Variants in PCDHA4 observed in about 807,000 individuals in gnomAD.
PCDHA4 encodes protocadherin alpha-4.
Under a neutral mutation model 61.4 loss-of-function variants are expected in PCDHA4, and 49 were observed. That is an observed-to-expected ratio of 0.80 (90% confidence interval 0.63 to 1.01). PCDHA4 has a LOEUF of 1.01. PCDHA4 is among the 50% of genes least tolerant of loss of function. The pLI, the probability that PCDHA4 is intolerant of heterozygous loss-of-function variation, is 0.00. For missense variants in PCDHA4, 1,254 were observed against 1,235.8 expected (o/e 1.01, Z -0.22); for synonymous variants, 590 against 550.3 (o/e 1.07, Z -1.01).
At chr5:140,987,050 C>G (rs781947211) in intron 3 of PCDHA4, among the ~76,000 whole-genome samples, 34 of 151,840 alleles carry the variant, frequency 2.2e-4, no homozygotes, top group Non-Finnish European at 2.5e-4. Context: ...CCCATCTCTA[C>G]TAAAGTTACA....
intron 1 of PCDHA4, chr5:140,854,223 C>A: frequency 1.1e-5 from 7 of 631,586 alleles, no homozygotes; most frequent in Non-Finnish European, 1.2e-5. Flanking sequence ...TGGACATCTA[C>A]ATTGGGATAT....
intron 1 of PCDHA4, chr5:140,856,650 G>A (rs2044132398): frequency 1.3e-6 from 2 of 1,598,026 alleles, no homozygotes; most frequent in African/African-American, 2.7e-5. Flanking sequence ...CTGCTGGATC[G>A]TGAAGAAAAT....
intron 1 of PCDHA4, among the ~76,000 whole-genome samples, chr5:140,907,922 G>T (rs1554193181): frequency 6.6e-6 from 1 of 152,174 alleles, no homozygotes; most frequent in Admixed American, 6.5e-5. Context: ...ACTCAGAGAG[G>T]TCCATTCACA....
chr5:140,855,986 G>C (rs191873949), intron 1 of PCDHA4: 4 of 1,477,690 alleles, frequency 2.7e-6, no homozygotes, highest in Middle Eastern at 1.8e-4. Context: ...GACAGAAAAT[G>C]TCAGATCGTA....
Position 140,855,940 on chromosome 5 carries a change from T to G in PCDHA4, c.2385+46368T>G, listed in dbSNP as rs781849353. 20 of 1,323,248 alleles carry G rather than the reference T, an allele frequency of 1.5e-5. 4 individuals carry two copies. The highest frequency in any genetic ancestry group is 2.9e-5 in the South Asian group (2 of 68,766). The allele number at this position is 1,323,248 out of a possible 1,614,324, so 82.0% of individuals were successfully genotyped here. A position where few individuals can be genotyped will look rare whatever the true frequency, so the allele number is the denominator to read the frequency against. Reference sequence around the variant, plus strand: ...TAGGAAGTAGCGTCATTCTGAGATCTCAGCCATTTCGATAAAAAATAGATA... The same window carrying G: ...TAGGAAGTAGCGTCATTCTGAGATCGCAGCCATTTCGATAAAAAATAGATA... On this transcript the variant is annotated intron_variant, in intron 1 of 3. Transcript: ENST00000530339.
intron 1 of PCDHA4, chr5:140,860,177 G>A (rs1218765460): frequency 6.7e-6 from 1 of 148,372 alleles, no homozygotes; most frequent in Admixed American, 6.7e-5. Flanking sequence ...ATATATATAT[G>A]ATGGGCTCTC....
In PCDHA4 at chr5:140,807,862, C is replaced by G. The variant is rs1764047483; in HGVS notation, c.675C>G (p.Thr225=). 6.2e-7 allele frequency: 1 copy of G among 1,613,994 alleles called. No individual in the cohort carries two copies. The highest frequency in any genetic ancestry group is 1.7e-5 in the Admixed American group (1 of 60,000). The change falls in exon 1 of 4, where the codon ACC becomes ACG. Residue 225 remains threonine (T), a synonymous_variant. Coordinates refer to ENST00000530339, the MANE Select transcript of PCDHA4 (RefSeq NM_018907.4). The part of the protein sequence containing the change: ...TDGGKPELTG[T]VQLLITVLDA... ...GAGGCAAACCCGAGTTGACTGGCAC[C>G]GTTCAGTTACTCATCACAGTACTGG... is the stretch of plus-strand genomic sequence containing the variant.
Position 140,873,289 on chromosome 5 carries a change from C to T in PCDHA4, c.2385+63717C>T, listed in dbSNP as rs542998877. On this transcript the variant is annotated intron_variant, in intron 1 of 3. Transcript: ENST00000530339. ...TTAAACCATCATACCACTTATGAAA[C>T]TTTATAAATATAATAAAGGTGAATA... Among the ~76,000 whole-genome samples, 19 of 152,188 alleles carry T rather than the reference C, an allele frequency of 1.2e-4. No homozygotes were observed. In the South Asian group the frequency reaches 3.7e-3, roughly 30 times the overall value.
intron 1 of PCDHA4, chr5:140,855,985 T>C (rs1308397078): frequency 1.4e-6 from 2 of 1,473,214 alleles, no homozygotes; most frequent in East Asian, 2.3e-5. Flanking sequence ...GGACAGAAAA[T>C]GTCAGATCGT....
intron 3 of PCDHA4, among the ~76,000 whole-genome samples, chr5:140,986,365 C>T (rs530102099): frequency 2.0e-5 from 3 of 152,194 alleles, no homozygotes; most frequent in Non-Finnish European, 2.9e-5. Flanking sequence ...TGGAGGAATG[C>T]GTTTTGGGGG....
chr5:140,808,384 C>T lies in PCDHA4; in HGVS notation c.1197C>T (p.Ser399=). 6.2e-7 allele frequency: 1 copy of T among 1,614,182 alleles called. No individual in the cohort carries two copies. The highest frequency in any genetic ancestry group is 8.5e-7 in the Non-Finnish European group (1 of 1,180,056). Reference sequence around the variant, plus strand: ...CCCACGTCCCCTTCAAGCTGGTGTCCACCTTCAAGAATTACTACTCGTTGG... The same window carrying T: ...CCCACGTCCCCTTCAAGCTGGTGTCTACCTTCAAGAATTACTACTCGTTGG... The part of the protein sequence containing the change: ...LTSHVPFKLV[S]TFKNYYSLVL... Residue 399 remains serine (S), a synonymous_variant, in exon 1 of 4, where the codon TCC becomes TCT. Transcript: ENST00000530339.
intron 1 of PCDHA4, chr5:140,823,032 C>T: frequency 1.2e-6 from 2 of 1,614,230 alleles, no homozygotes; most frequent in Non-Finnish European, 1.7e-6. Flanking sequence ...GCGTGTCGGT[C>T]TATGAGCTGG....
intron 1 of PCDHA4, chr5:140,863,096 G>A (rs1554157719): frequency 5.2e-6 from 3 of 578,170 alleles, no homozygotes; most frequent in South Asian, 1.4e-5. Flanking sequence ...AGCACGACGA[G>A]TACCCTGGAC....
At chr5:140,998,415 C>T (rs1554256243) in intron 3 of PCDHA4, among the ~76,000 whole-genome samples, 1 of 152,158 alleles carries the variant, frequency 6.6e-6, no homozygotes, top group African/African-American at 2.4e-5. Context: ...GTTTATCTAC[C>T]TGGTTTATCC....
chr5:140,986,220 T>C (rs2097190951), intron 3 of PCDHA4, among the ~76,000 whole-genome samples: 1 of 152,194 alleles, frequency 6.6e-6, no homozygotes, highest in African/African-American at 2.4e-5. Flanking sequence ...CCCCTTTCTC[T>C]AGCCTCCCCT....
At chr5:140,809,774 A>G (rs1554125354) in intron 1 of PCDHA4, 1 of 542,970 alleles carries the variant, frequency 1.8e-6, no homozygotes, top group Non-Finnish European at 3.1e-6. Flanking sequence ...GCATTATTCA[A>G]TGCATATTAA....
chr5:140,824,012 G>T (rs1724453792), intron 1 of PCDHA4: 2 of 1,614,140 alleles, frequency 1.2e-6, no homozygotes, highest in South Asian at 1.1e-5. Flanking sequence ...GCGGTGGGGA[G>T]CTGGTCGTAC....
intron 1 of PCDHA4, chr5:140,835,675 G>T (rs2150241595): frequency 2.5e-6 from 4 of 1,613,918 alleles, no homozygotes; most frequent in Non-Finnish European, 3.4e-6. Flanking sequence ...CGGGACGGGG[G>T]CTCGCCTTCT....
intron 1 of PCDHA4, chr5:140,877,040 T>C (rs1252847205): frequency 5.0e-6 from 8 of 1,612,450 alleles, no homozygotes; most frequent in Non-Finnish European, 5.1e-6. Context: ...CTGCAGCCGC[T>C]AGACCACGAG....
Sources: gnomAD v4.1 joint callset for allele counts (sites outside exome capture counted in the v4.1 genomes callset) on GRCh38, gnomAD v4.1.1 for gene constraint, MANE v1.5 for transcripts, NCBI Gene and HGNC (gene_info 2026-07-23, HGNC 2026-07-21) for gene names.